KANSL1L: variants seen among roughly 807,000 people sequenced by gnomAD.
KANSL1L encodes KAT8 regulatory NSL complex subunit 1-like protein.
In KANSL1L, 25 loss-of-function variants were observed where a neutral mutation model predicts 108.6. That is an observed-to-expected ratio of 0.23 (90% confidence interval 0.17 to 0.32). KANSL1L has a LOEUF of 0.32. KANSL1L is among the 10% of genes least tolerant of loss of function. The pLI, the probability that KANSL1L is intolerant of heterozygous loss-of-function variation, is 1.00. For synonymous variants in KANSL1L, 405 were observed against 395.1 expected (o/e 1.03, Z -0.30); for missense variants, 1,137 against 1,125.7 (o/e 1.01, Z -0.14).
At position 210,055,832 on chromosome 2, in the gene KANSL1L, T is replaced by G. The variant is rs564476665; in HGVS notation, c.1756-11728A>C. ...AGCAGAGCATAAAAGTTTGGAAAAT[T>G]TGCAGCCTGACAATGCAGTAGAAAA... On this transcript the variant is annotated intron_variant, in intron 6 of 14. Transcript: ENST00000281772. 5.3e-5 allele frequency among the ~76,000 whole-genome samples: 8 copies of G among 152,276 alleles called. No individual in the cohort carries two copies. In the East Asian group the frequency reaches 1.5e-3, roughly 29 times the overall value.
Position 210,044,054 on chromosome 2 carries a change from G to A in KANSL1L, c.1806C>T (p.Cys602=). The A allele has an allele frequency of 1.2e-6, 2 of 1,608,822 alleles. No homozygotes were observed. The highest frequency in any genetic ancestry group is 1.7e-6 in the Non-Finnish European group (2 of 1,177,590). The change falls in exon 7 of 15, where the codon TGC becomes TGT. Residue 602 remains cysteine, a synonymous_variant. Coordinates refer to ENST00000281772, the MANE Select transcript of KANSL1L (RefSeq NM_152519.4). The surrounding 1 kb of genome is among the most constrained non-coding windows in gnomAD (Gnocchi z 4.2). Reference sequence around the variant, plus strand: ...TACTCCAAGTTGAAGCTGATTGCAGGCAAGGCATTTGTGTAGTGTTTAAAA... The same window carrying A: ...TACTCCAAGTTGAAGCTGATTGCAGACAAGGCATTTGTGTAGTGTTTAAAA... The part of the protein sequence containing the change: ...TAFLNTTQMP[C]LQSASTWSSY...
chr2:210,066,417 A>G (rs1282353891), intron 6 of KANSL1L, among the ~76,000 whole-genome samples: 1 of 152,256 alleles, frequency 6.6e-6, no homozygotes, highest in Non-Finnish European at 1.5e-5. Flanking sequence ...ATAGATGGCC[A>G]AAACAACGGG....
rs565845076 is a variant in KANSL1L, at chr2:210,165,135, C to T, written c.-30+6014G>A. ...CCACCAAAGCACTGGCATACTTTTA[C>T]GTTTTTACAACAGAATTTTCAACTT... On this transcript the variant is annotated intron_variant, in intron 1 of 14. Coordinates refer to ENST00000281772, the MANE Select transcript of KANSL1L (RefSeq NM_152519.4). Among the ~76,000 whole-genome samples, 18 of 150,310 alleles carry T rather than the reference C, an allele frequency of 1.2e-4. No individual in the cohort carries two copies. In the South Asian group the frequency reaches 3.1e-3, roughly 26 times the overall value.
chr2:210,035,469 G>A (rs978561011), intron 8 of KANSL1L, among the ~76,000 whole-genome samples: 52 of 152,132 alleles, frequency 3.4e-4, no homozygotes, highest in Admixed American at 1.1e-3. Flanking sequence ...CAAGTTATTT[G>A]TAGATATTTG....
Position 210,129,129 on chromosome 2 carries a change from C to T in KANSL1L, c.1132G>A (p.Val378Ile), listed in dbSNP as rs1339443790. ...TGAAGCCAAGTCCATCGGCTGCCAA[C>T]TCGTGCTCTGTCTACAAGCCACTTC... Reference protein sequence around the residue: ...EWKWLVDRARVGSRWTWLQAQ... With the variant: ...EWKWLVDRARIGSRWTWLQAQ... Residue 378 changes from valine (V) to isoleucine (I), a missense_variant, in exon 3 of 15, where the codon GTT becomes ATT. Transcript: ENST00000281772. 6.2e-7 allele frequency: 1 copy of T among 1,613,968 alleles called. No individual in the cohort carries two copies.
At chr2:210,170,672 G>C (rs1437447861) in intron 1 of KANSL1L, 2 of 152,328 alleles carry the variant, frequency 1.3e-5, no homozygotes, top group East Asian at 1.9e-4. Context: ...AAATAAAATA[G>C]GGGTCTCATC....
intron 11 of KANSL1L, among the ~76,000 whole-genome samples, chr2:210,027,863 ATTAC>A (rs1263352340): frequency 6.6e-6 from 1 of 152,240 alleles, no homozygotes; most frequent in African/African-American, 2.4e-5. Flanking sequence ...CACAAATGTT[ATTAC>A]TTATGCAACA....
At chr2:210,118,916 T>C (rs1030819741) in intron 3 of KANSL1L, among the ~76,000 whole-genome samples, 3 of 151,348 alleles carry the variant, frequency 2.0e-5, no homozygotes, top group Non-Finnish European at 4.4e-5. Context: ...ATGCCTGTAA[T>C]CCCAACACTT....
chr2:210,106,423 A>G (rs2094847046), intron 3 of KANSL1L, among the ~76,000 whole-genome samples: 1 of 152,174 alleles, frequency 6.6e-6, no homozygotes, highest in African/African-American at 2.4e-5. Context: ...CTACCTTTCT[A>G]TAAGTACAAA....
chr2:210,164,086 G>A (rs1191548202), intron 1 of KANSL1L, among the ~76,000 whole-genome samples: 1 of 152,012 alleles, frequency 6.6e-6, no homozygotes, highest in Non-Finnish European at 1.5e-5. Context: ...GCTACTACTA[G>A]ACATATTTTT....
chr2:210,134,829 A>G (rs1418820525), intron 2 of KANSL1L, among the ~76,000 whole-genome samples: 4 of 152,154 alleles, frequency 2.6e-5, no homozygotes, highest in African/African-American at 9.7e-5. Flanking sequence ...CCATAAGCCT[A>G]ACAAAGACTA....
chr2:210,149,847 G>C (rs1163156535), intron 2 of KANSL1L, among the ~76,000 whole-genome samples: 1 of 151,406 alleles, frequency 6.6e-6, no homozygotes, highest in Non-Finnish European at 1.5e-5. Context: ...TTTAATGTAT[G>C]GGAAGATATA....
intron 6 of KANSL1L, among the ~76,000 whole-genome samples, chr2:210,059,653 C>G (rs1287401235): frequency 6.6e-6 from 1 of 152,198 alleles, no homozygotes; most frequent in African/African-American, 2.4e-5. Flanking sequence ...AGAATTGTTA[C>G]AGCAAGGTAA....
intron 4 of KANSL1L, among the ~76,000 whole-genome samples, chr2:210,102,644 C>A (rs994398501): frequency 1.3e-5 from 2 of 152,044 alleles, no homozygotes; most frequent in South Asian, 4.1e-4. Flanking sequence ...ACCCCATCAA[C>A]AAGTGGGCGA....
chr2:210,042,336 G>A (rs2094173949), intron 7 of KANSL1L, among the ~76,000 whole-genome samples: 1 of 152,152 alleles, frequency 6.6e-6, no homozygotes, highest in African/African-American at 2.4e-5. Flanking sequence ...TTTATTGAAT[G>A]TAAGAAGGAA....
intron 4 of KANSL1L, among the ~76,000 whole-genome samples, chr2:210,099,894 C>T (rs998927234): frequency 2.0e-5 from 3 of 152,082 alleles, no homozygotes; most frequent in Non-Finnish European, 4.4e-5. Context: ...TTAAGAGAAG[C>T]GTAATTTGAA....
chr2:210,159,831 C>T (rs1228632233), intron 1 of KANSL1L, among the ~76,000 whole-genome samples: 2 of 151,972 alleles, frequency 1.3e-5, no homozygotes, highest in Non-Finnish European at 2.9e-5. Context: ...GCAGGCGGAT[C>T]GAGACCATCC....
At chr2:210,082,288 C>T (rs2094596850) in intron 5 of KANSL1L, among the ~76,000 whole-genome samples, 1 of 152,212 alleles carries the variant, frequency 6.6e-6, no homozygotes, top group Non-Finnish European at 1.5e-5. Context: ...TGATAGATGA[C>T]TGCTTTGGAA....
At chr2:210,136,600 T>C (rs1559591210) in intron 2 of KANSL1L, among the ~76,000 whole-genome samples, 1 of 152,182 alleles carries the variant, frequency 6.6e-6, no homozygotes, top group Non-Finnish European at 1.5e-5. Context: ...GGCAACCATG[T>C]AATGTTTTCA....
Sources: gnomAD v4.1 joint callset for allele counts (sites outside exome capture counted in the v4.1 genomes callset) on GRCh38, gnomAD v4.1.1 for gene constraint, Gnocchi (gnomAD v3.1) non-coding constraint, MANE v1.5 for transcripts, NCBI Gene and HGNC (gene_info 2026-07-23, HGNC 2026-07-21) for gene names.